The following TRPM6 variants were observed in gnomAD, a reference collection of about 807,000 sequenced individuals.
TRPM6 encodes the protein transient receptor potential cation channel subfamily M member 6.
TRPM6 carries 111 observed loss-of-function variants against 247.6 expected under a neutral mutation model. The observed-to-expected ratio is 0.45, with a 90% CI of 0.38 to 0.52. The LOEUF (loss-of-function observed/expected upper bound fraction) is 0.52, where lower values mean the gene tolerates loss of function less well. TRPM6 is among the 20% of genes least tolerant of loss of function. TRPM6 has a pLI of 0.00. For missense variants in TRPM6, 2,126 were observed against 2,421.5 expected (o/e 0.88, Z 2.56); for synonymous variants, 892 against 853.8 (o/e 1.04, Z -0.78).
intron 28 of TRPM6, among the ~76,000 whole-genome samples, chr9:74,754,420 G>A (rs1192098412): frequency 6.6e-6 from 1 of 152,138 alleles, no homozygotes; most frequent in Non-Finnish European, 1.5e-5. Context: ...CCCGTTCATT[G>A]TAAGATGTTT....
chr9:74,847,059 T>C (rs1312165550), intron 3 of TRPM6, among the ~76,000 whole-genome samples: 4 of 152,282 alleles, frequency 2.6e-5, no homozygotes, highest in East Asian at 1.9e-4. Flanking sequence ...AAGCCAACAA[T>C]GGTCTTTTCA....
chr9:74,864,576 C>T (rs1043780704), intron 1 of TRPM6, among the ~76,000 whole-genome samples: 2 of 152,200 alleles, frequency 1.3e-5, no homozygotes, highest in African/African-American at 4.8e-5. Flanking sequence ...GCAGAGAACA[C>T]AAAGTAACCT....
At chr9:74,843,580 G>A (rs893613781) in intron 3 of TRPM6, among the ~76,000 whole-genome samples, 5 of 151,978 alleles carry the variant, frequency 3.3e-5, no homozygotes, top group Admixed American at 2.6e-4. Flanking sequence ...AGGCCGAGGC[G>A]GGTGGATCAT....
Position 74,821,701 on chromosome 9 carries a change from C to T in TRPM6, c.978G>A (p.Leu326=), listed in dbSNP as rs762588874. ...CEGTGRAADL[L]AFTHKHLADE... is the part of the protein sequence containing the mutation. ...CTGCCAGGTGTTTGTGTGTGAAGGC[C>T]AGGAGGTCAGCCGCCCTACCTGTGC... The change falls in exon 8 of 39, where the codon CTG becomes CTA. Residue 326 remains leucine, a synonymous_variant. Transcript: ENST00000360774. The T allele has an allele frequency of 8.1e-6, 13 of 1,614,030 alleles. No individual in the cohort carries two copies. The highest frequency in any genetic ancestry group is 6.6e-5 in the South Asian group (6 of 91,086).
intron 27 of TRPM6, among the ~76,000 whole-genome samples, chr9:74,758,777 G>A (rs1282726993): frequency 6.6e-6 from 1 of 152,120 alleles, no homozygotes; most frequent in Non-Finnish European, 1.5e-5. Flanking sequence ...CAGAGGTTCT[G>A]TTCAGTGTAA....
intron 23 of TRPM6, 78 bp downstream of exon 23, chr9:74,782,284 C>CA: frequency 1.8e-6 from 2 of 1,082,098 alleles, no homozygotes; most frequent in Non-Finnish European, 2.8e-6. Context: ...GTTACATACT[C>CA]AAAGTACATG....
intron 20 of TRPM6, 32 bp from the exon 21 acceptor site, chr9:74,786,157 G>C (rs764708415): frequency 1.6e-5 from 26 of 1,612,870 alleles, no homozygotes; most frequent in Non-Finnish European, 2.1e-5. Flanking sequence ...CTTTAAAAAG[G>C]AGGTACAACC....
At chr9:74,755,209 C>T (rs1399717448) in intron 28 of TRPM6, 144 bp downstream of exon 28, 2 of 923,434 alleles carry the variant, frequency 2.2e-6, no homozygotes, top group Non-Finnish European at 1.7e-6. Context: ...CAGAAAAATG[C>T]TATTTTCCTT....
chr9:74,766,938 G>C (rs890947658), intron 25 of TRPM6, among the ~76,000 whole-genome samples: 1 of 152,160 alleles, frequency 6.6e-6, no homozygotes, highest in African/African-American at 2.4e-5. Flanking sequence ...AGGTCACATA[G>C]CCAGAGTCAC....
At chr9:74,854,579 C>T (rs1477997607) in intron 3 of TRPM6, among the ~76,000 whole-genome samples, 1 of 152,274 alleles carries the variant, frequency 6.6e-6, no homozygotes, top group African/African-American at 2.4e-5. Context: ...CCTCCAGCAA[C>T]CTCCTCCTTC....
intron 36 of TRPM6, among the ~76,000 whole-genome samples, chr9:74,735,966 C>G (rs1424962354): frequency 2.6e-5 from 4 of 152,202 alleles, no homozygotes; most frequent in East Asian, 1.9e-4. Context: ...CCACAGCACA[C>G]TGAGCAGGGC....
chr9:74,779,001 C>T lies in TRPM6; in HGVS notation c.3210-2925G>A, dbSNP rs576670822. Among the ~76,000 whole-genome samples the T allele has an allele frequency of 2.8e-4, 43 of 152,262 alleles. No individual in the cohort carries two copies. The East Asian group carries it at 3.9e-3, about 14-fold the overall frequency. ...CACTTACCTTCCTGGGGCTAAGATG[C>T]GGGGTGTGAGCCTTTCCCCTGAGAG... On this transcript the variant is annotated intron_variant, in intron 23 of 38. Transcript: ENST00000360774.
intron 3 of TRPM6, among the ~76,000 whole-genome samples, chr9:74,852,940 G>T (rs2118309498): frequency 6.6e-6 from 1 of 152,022 alleles, no homozygotes; most frequent in South Asian, 2.1e-4. Context: ...GAGCATCTCT[G>T]CTTGGCCGCC....
chr9:74,798,358 T>C (rs1400733563), intron 17 of TRPM6, among the ~76,000 whole-genome samples: 1 of 152,112 alleles, frequency 6.6e-6, no homozygotes, highest in African/African-American at 2.4e-5. Flanking sequence ...CCAGTTCTAA[T>C]AGGATTTTAT....
At chr9:74,785,634 C>G (rs182064251) in intron 21 of TRPM6, among the ~76,000 whole-genome samples, 2 of 152,184 alleles carry the variant, frequency 1.3e-5, no homozygotes, top group Non-Finnish European at 1.5e-5. Flanking sequence ...GCTATTCTCC[C>G]GCCTCAGCCT....
intron 27 of TRPM6, among the ~76,000 whole-genome samples, chr9:74,760,209 C>T (rs1354179043): frequency 6.6e-5 from 10 of 152,216 alleles, no homozygotes; most frequent in Non-Finnish European, 1.2e-4. Flanking sequence ...ACTCACCGCT[C>T]ACTCACTGAC....
intron 19 of TRPM6, among the ~76,000 whole-genome samples, chr9:74,790,733 T>C (rs1362095552): frequency 2.6e-5 from 4 of 152,208 alleles, no homozygotes; most frequent in South Asian, 2.1e-4. Flanking sequence ...TTTCTTTCTA[T>C]ATAGTGTACA....
At chr9:74,790,037 G>GTGTGT (rs1564015649) in intron 19 of TRPM6, among the ~76,000 whole-genome samples, 11 of 122,932 alleles carry the variant, frequency 8.9e-5, no homozygotes, top group Non-Finnish European at 1.2e-4. Flanking sequence ...TGTGTGTGTG[G>GTGTGT]GTTCATTCTC....
chr9:74,724,819 T>C, intron 38 of TRPM6, 73 bp from the exon 39 acceptor site: 1 of 1,597,150 alleles, frequency 6.3e-7, no homozygotes, highest in Non-Finnish European at 8.6e-7. Context: ...AAATGGGACT[T>C]TAGGCTTTGC....
Sources: allele counts gnomAD v4.1 joint callset (sites outside exome capture counted in the v4.1 genomes callset), GRCh38; gene constraint gnomAD v4.1.1; transcripts MANE v1.5; gene names NCBI Gene and HGNC (gene_info 2026-07-23, HGNC 2026-07-21).